Variants in ATF7IP2 observed in about 807,000 individuals in gnomAD.
The protein encoded by ATF7IP2 is activating transcription factor 7 interacting protein 2.
ATF7IP2 carries 42 observed loss-of-function variants against 64.2 expected under a neutral mutation model. The ratio of observed to expected loss-of-function variants is 0.65; its 90% confidence interval spans 0.51 to 0.85. ATF7IP2 has a LOEUF of 0.85. ATF7IP2 is among the 40% of genes least tolerant of loss of function. The pLI is 0.00. For synonymous variants in ATF7IP2, 308 were observed against 272.8 expected (o/e 1.13, Z -1.27); for missense variants, 933 against 784.2 (o/e 1.19, Z -2.27).
chr16:10,461,461 A>G (rs1339210305), intron 9 of ATF7IP2, among the ~76,000 whole-genome samples: 1 of 152,126 alleles, frequency 6.6e-6, no homozygotes. Context: ...GTGTCCATCT[A>G]CAGTTGAAAA....
At position 10,415,459 on chromosome 16, in the gene ATF7IP2, A is replaced by G. The variant is rs564541877; in HGVS notation, c.-203+847A>G. On this transcript the variant is annotated intron_variant, in intron 2 of 13. Transcript: ENST00000562102. Reference sequence around the variant, plus strand: ...AATGAAATTAGATCTGTTATCTCTCACTATATATAAAAAGGCAAAATGGAT... The same window carrying G: ...AATGAAATTAGATCTGTTATCTCTCGCTATATATAAAAAGGCAAAATGGAT... Among the ~76,000 whole-genome samples the G allele has an allele frequency of 9.8e-5, 15 of 152,358 alleles. No homozygotes were observed. The South Asian group carries it at 1.9e-3, about 19-fold the overall frequency.
intron 9 of ATF7IP2, among the ~76,000 whole-genome samples, chr16:10,468,313 C>T (rs568029646): frequency 2.9e-3 from 445 of 152,148 alleles, no homozygotes; most frequent in African/African-American, 9.5e-3. Context: ...TTTAAATCTG[C>T]ATGGAAAACT....
intron 12 of ATF7IP2, among the ~76,000 whole-genome samples, chr16:10,474,687 T>C (rs920868070): frequency 3.3e-5 from 5 of 152,146 alleles, no homozygotes; most frequent in African/African-American, 1.2e-4. Flanking sequence ...CCCAAGGTGT[T>C]TAAAAAACTC....
chr16:10,469,629 G>A (rs952695211), intron 9 of ATF7IP2, among the ~76,000 whole-genome samples: 12 of 152,002 alleles, frequency 7.9e-5, no homozygotes, highest in Non-Finnish European at 1.5e-4. Flanking sequence ...TATAAAATTA[G>A]CCCAGCATTG....
intron 12 of ATF7IP2, among the ~76,000 whole-genome samples, chr16:10,477,503 A>C (rs532469072): frequency 5.9e-5 from 9 of 152,294 alleles, no homozygotes; most frequent in African/African-American, 2.2e-4. Flanking sequence ...ATCTATGACA[A>C]ACCCACAGCC....
At position 10,438,198 on chromosome 16, in the gene ATF7IP2, G is replaced by T. The variant is rs2048485989; in HGVS notation, c.1058G>T (p.Cys353Phe). 6.2e-7 allele frequency: 1 copy of T among 1,602,692 alleles called. No homozygotes were observed. Among genetic ancestry groups the T allele is most frequent in the African/African-American group, 1.4e-5 (1 of 74,066 alleles). ...AACCAACGCATTGGGAAGACAGAGT[G>T]CAGAAATAAGCATGAAGGAATAGCT... ...ELNQRIGKTECRNKHEGIADK... is the reference protein window; with the variant it reads ...ELNQRIGKTEFRNKHEGIADK... The change falls in exon 7 of 14, where the codon TGC (cysteine) becomes TTC (phenylalanine). Residue 353 changes from cysteine (C) to phenylalanine (F), a missense_variant. Transcript: ENST00000562102.
chr16:10,454,995 C>T lies in ATF7IP2; in HGVS notation c.1195-2377C>T, dbSNP rs575341857. 5.3e-5 allele frequency among the ~76,000 whole-genome samples: 8 copies of T among 152,172 alleles called. No individual in the cohort carries two copies. The South Asian group carries it at 1.0e-3, about 20-fold the overall frequency. On this transcript the variant is annotated intron_variant, in intron 8 of 13. Coordinates refer to ENST00000562102, the MANE Select transcript of ATF7IP2 (RefSeq NM_001393719.1). Reference sequence around the variant, plus strand: ...TAGTCCAGCATATTATTTTACTTGACGAATGTTCCATGTACAGAATGTTGG... The same window carrying T: ...TAGTCCAGCATATTATTTTACTTGATGAATGTTCCATGTACAGAATGTTGG...
At chr16:10,447,488 T>C (rs2048847815) in intron 8 of ATF7IP2, 1 of 152,092 alleles carries the variant, frequency 6.6e-6, no homozygotes, top group South Asian at 2.1e-4. Flanking sequence ...TCAAAAGACT[T>C]CTCGGCAAGG....
intron 1 of ATF7IP2, among the ~76,000 whole-genome samples, chr16:10,404,627 T>G (rs1373727463): frequency 6.6e-6 from 1 of 152,168 alleles, no homozygotes; most frequent in African/African-American, 2.4e-5. Flanking sequence ...TACTGCAACC[T>G]CCACCTCCAG....
chr16:10,403,240 A>G (rs1191721140), intron 1 of ATF7IP2, among the ~76,000 whole-genome samples: 2 of 152,170 alleles, frequency 1.3e-5, no homozygotes, highest in African/African-American at 4.8e-5. Context: ...CACCAGGCTC[A>G]GGAGTGTGAG....
At chr16:10,435,532 G>T (rs2048392668) in intron 6 of ATF7IP2, among the ~76,000 whole-genome samples, 1 of 152,174 alleles carries the variant, frequency 6.6e-6, no homozygotes, top group South Asian at 2.1e-4. Context: ...GGAGGTTATT[G>T]TGTCTTCCTT....
At chr16:10,475,722 G>GAAAAAAAAAAAAA (rs386384218) in intron 12 of ATF7IP2, among the ~76,000 whole-genome samples, 14 of 41,628 alleles carry the variant, frequency 3.4e-4, no homozygotes, top group African/African-American at 1.4e-3. Flanking sequence ...TAAGAAGCCA[G>GAAAAAAAAAAAAA]AAAAAAAAAA....
At chr16:10,415,812 CAAAAG>C (rs2047862560) in intron 2 of ATF7IP2, among the ~76,000 whole-genome samples, 2 of 152,160 alleles carry the variant, frequency 1.3e-5, no homozygotes, top group South Asian at 4.1e-4. Context: ...AGACATTTCT[CAAAAG>C]GAGAGATACA....
At chr16:10,394,466 A>T (rs2047386063) in intron 1 of ATF7IP2, among the ~76,000 whole-genome samples, 1 of 152,216 alleles carries the variant, frequency 6.6e-6, no homozygotes, top group African/African-American at 2.4e-5. Context: ...GTCATAATGG[A>T]TAGAAAACTG....
intron 1 of ATF7IP2, among the ~76,000 whole-genome samples, chr16:10,388,400 C>A (rs973404231): frequency 9.2e-5 from 14 of 152,162 alleles, no homozygotes; most frequent in Non-Finnish European, 1.5e-5. Context: ...AGAGGTGTTA[C>A]TGAAGTTAGC....
chr16:10,427,072 T>C (rs1227817669), intron 3 of ATF7IP2, among the ~76,000 whole-genome samples: 1 of 152,194 alleles, frequency 6.6e-6, no homozygotes, highest in African/African-American at 2.4e-5. Flanking sequence ...CAGGGTGGTC[T>C]CGAACTCCTG....
At position 10,438,236 on chromosome 16, in the gene ATF7IP2, G is replaced by A; in HGVS notation, c.1095+1G>A. The stretch of plus-strand genomic sequence containing the variant: ...TGAAGGAATAGCTGATAAACTTTTG[G>A]TAAGTTTTGATTTCATTTGAGTCTT... On this transcript the variant is annotated splice_donor_variant, in intron 7 of 13. Coordinates refer to ENST00000562102, the MANE Select transcript of ATF7IP2 (RefSeq NM_001393719.1). LOFTEE classifies it high-confidence loss of function. 6.3e-7 allele frequency: 1 copy of A among 1,593,456 alleles called. No individual in the cohort carries two copies. Among genetic ancestry groups the A allele is most frequent in the Non-Finnish European group, 8.5e-7 (1 of 1,172,718 alleles).
Position 10,438,227 on chromosome 16 carries a change from A to G in ATF7IP2, c.1087A>G (p.Lys363Glu). ...AAATAAGCATGAAGGAATAGCTGAT[A>G]AACTTTTGGTAAGTTTTGATTTCAT... is the stretch of plus-strand genomic sequence containing the variant. ...CRNKHEGIAD[K>E]LLAKIAKLQR... Residue 363 changes from lysine to glutamate, a missense_variant, in exon 7 of 14, where the codon AAA (lysine) becomes GAA (glutamate). Lys to Glu is a moderately conservative substitution (Grantham distance 56, BLOSUM62 1). Transcript: ENST00000562102. 1 of 1,593,444 alleles carries G rather than the reference A, an allele frequency of 6.3e-7. No individual in the cohort carries two copies. Among genetic ancestry groups the G allele is most frequent in the Non-Finnish European group, 8.5e-7 (1 of 1,173,098 alleles).
intron 10 of ATF7IP2, among the ~76,000 whole-genome samples, chr16:10,472,953 A>T (rs1157160997): frequency 6.6e-6 from 1 of 152,110 alleles, no homozygotes; most frequent in Non-Finnish European, 1.5e-5. Flanking sequence ...TTTCTTATTC[A>T]AAATTCCCCA....
Sources: allele counts gnomAD v4.1 joint callset (sites outside exome capture counted in the v4.1 genomes callset), GRCh38; gene constraint gnomAD v4.1.1; transcripts MANE v1.5; gene names NCBI Gene and HGNC (gene_info 2026-07-23, HGNC 2026-07-21).